The following ETS1 variants were observed in gnomAD, a reference collection of about 807,000 sequenced individuals.
ETS1 encodes ETS proto-oncogene 1, transcription factor.
In ETS1, 15 loss-of-function variants were observed where a neutral mutation model predicts 58.6. The ratio of observed to expected loss-of-function variants is 0.26; its 90% CI spans 0.17 to 0.39. The LOEUF (loss-of-function observed/expected upper bound fraction) is 0.39. Ranked by LOEUF, ETS1 falls within the 10% of genes least tolerant of loss-of-function variation. The pLI, the probability that ETS1 is intolerant of heterozygous loss-of-function variation, is 1.00. For synonymous variants in ETS1, 214 were observed against 218.2 expected, an observed-to-expected ratio of 0.98 and a Z score of 0.17; for missense variants, 417 against 610.5, an observed-to-expected ratio of 0.68 and a Z score of 3.34.
intron 3 of ETS1, among the ~76,000 whole-genome samples, chr11:128,533,693 C>T (rs771648643): frequency 6.6e-6 from 1 of 152,208 alleles, no homozygotes; most frequent in Non-Finnish European, 1.5e-5. Context: ...TTTCCAAGGC[C>T]TTGCTAGATA....
intron 3 of ETS1, among the ~76,000 whole-genome samples, chr11:128,530,903 C>T (rs913394504): frequency 6.6e-6 from 1 of 152,226 alleles, no homozygotes. Flanking sequence ...AAAGGTCCAG[C>T]ATCTACATAT....
intron 3 of ETS1, among the ~76,000 whole-genome samples, chr11:128,510,036 T>A (rs1386173240): frequency 6.6e-6 from 1 of 152,232 alleles, no homozygotes; most frequent in Admixed American, 6.5e-5. Context: ...AAAGCAAGCA[T>A]CCAGCAGTTT....
At chr11:128,546,879 T>G (rs895580409) in intron 3 of ETS1, among the ~76,000 whole-genome samples, 1 of 152,212 alleles carries the variant, frequency 6.6e-6, no homozygotes, top group Non-Finnish European at 1.5e-5. Flanking sequence ...ACGCAGATCA[T>G]AGTGTGACTT....
chr11:128,483,708 T>C (rs1244527477), intron 7 of ETS1, among the ~76,000 whole-genome samples: 1 of 152,168 alleles, frequency 6.6e-6, no homozygotes, highest in Non-Finnish European at 1.5e-5. Flanking sequence ...GTCTGAATAC[T>C]CGAAGAAGAC....
intron 3 of ETS1, chr11:128,522,457 A>T (rs972596227): frequency 4.5e-5 from 27 of 597,322 alleles, no homozygotes; most frequent in Non-Finnish European, 5.7e-5. Context: ...GCGTCGGGGC[A>T]GGGCGGGGAG....
At chr11:128,528,725 C>T (rs1408675867) in intron 3 of ETS1, among the ~76,000 whole-genome samples, 2 of 152,108 alleles carry the variant, frequency 1.3e-5, no homozygotes, top group South Asian at 2.1e-4. Flanking sequence ...TTGCCTAGTT[C>T]GGTCTGAAGT....
At chr11:128,556,032 A>G (rs185617004) in intron 3 of ETS1, among the ~76,000 whole-genome samples, 29 of 152,370 alleles carry the variant, frequency 1.9e-4, no homozygotes, top group Non-Finnish European at 3.7e-4. Flanking sequence ...GTGTCAGGAA[A>G]TGCAGGATAG....
At chr11:128,493,480 C>T (rs528241134) in intron 3 of ETS1, among the ~76,000 whole-genome samples, 1 of 152,330 alleles carries the variant, frequency 6.6e-6, no homozygotes, top group South Asian at 2.1e-4. Context: ...TGTTGGGGCC[C>T]CATCAGAGGT....
At chr11:128,567,232 C>T (rs1864522019) in intron 2 of ETS1, among the ~76,000 whole-genome samples, 1 of 152,180 alleles carries the variant, frequency 6.6e-6, no homozygotes, top group Non-Finnish European at 1.5e-5. Flanking sequence ...CCCACTGGAA[C>T]TGCACAGGAG....
chr11:128,474,887 A>T (rs73029062), intron 8 of ETS1, among the ~76,000 whole-genome samples: 2 of 152,176 alleles, frequency 1.3e-5, no homozygotes, highest in African/African-American at 4.8e-5. Context: ...GTACTGCCCA[A>T]GGATGGTCTA....
At chr11:128,508,871 T>G (rs35163142) in intron 3 of ETS1, among the ~76,000 whole-genome samples, 8,583 of 152,304 alleles carry the variant, frequency 0.056, 334 homozygotes, top group East Asian at 0.15. Flanking sequence ...CCTTAGAACT[T>G]GTTTGCCCAT....
Position 128,462,241 on chromosome 11 carries a change from G to T in ETS1, c.*120C>A. The T allele has an allele frequency of 3.8e-6, 3 of 779,402 alleles. No individual in the cohort carries two copies. The highest frequency in any genetic ancestry group is 4.1e-6 in the Non-Finnish European group (2 of 485,734). 48.3% of individuals were successfully genotyped at this position (779,402 alleles called of 1,614,324 possible). On this transcript the variant is annotated 3_prime_UTR_variant, in exon 10 of 10. Coordinates refer to ENST00000392668, the MANE Select transcript of ETS1 (RefSeq NM_001143820.2). Reference sequence around the variant, plus strand: ...TGCAACTGACTTAGCTCCCACCCCTGAAGGTAAAAAATGAGTTCTGGAAAA... The same window carrying T: ...TGCAACTGACTTAGCTCCCACCCCTTAAGGTAAAAAATGAGTTCTGGAAAA...
intron 3 of ETS1, among the ~76,000 whole-genome samples, chr11:128,511,897 T>C (rs1350799226): frequency 1.3e-5 from 2 of 152,222 alleles, no homozygotes; most frequent in African/African-American, 4.8e-5. Context: ...CACTGCACTT[T>C]CCTTATTTGT....
In ETS1 at chr11:128,581,520, G is replaced by C. The variant is rs11221363; in HGVS notation, c.-15+5968C>G. Among the ~76,000 whole-genome samples the C allele has an allele frequency of 5.5e-3, 835 of 152,052 alleles. 4 individuals are homozygous for C. Among genetic ancestry groups the C allele is most frequent in the African/African-American group, 0.019 (774 of 41,472 alleles). ...GCATGGTAAGTACTCATAAATAACT[G>C]AATAAATAAATAAGGATTGTGTTTT... On this transcript the variant is annotated intron_variant, in intron 1 of 9. Transcript: ENST00000392668.
At chr11:128,571,092 A>G (rs898062993) in intron 2 of ETS1, among the ~76,000 whole-genome samples, 3 of 152,058 alleles carry the variant, frequency 2.0e-5, no homozygotes, top group Admixed American at 2.0e-4. Flanking sequence ...TTTCCCTTGA[A>G]CAGAATAGCT....
At chr11:128,560,347 A>G (rs1303329463) in intron 2 of ETS1, among the ~76,000 whole-genome samples, 1 of 152,208 alleles carries the variant, frequency 6.6e-6, no homozygotes. Context: ...TCCTGCCCTC[A>G]GGTAATCAGC....
rs192202088 is a variant in ETS1, at chr11:128,464,606, G to A, written c.1124-979C>T. On this transcript the variant is annotated intron_variant, in intron 8 of 9. Coordinates refer to ENST00000392668, the MANE Select transcript of ETS1 (RefSeq NM_001143820.2). This position sits in a 1 kb window ranked among gnomAD's most constrained non-coding sequence, Gnocchi z 4.1. ...CTGCCCCTTATAACATAAACAAACT[G>A]GGCAGAGCGGGACTGGGAAAGACCC... 3.6e-3 allele frequency among the ~76,000 whole-genome samples: 549 copies of A among 152,116 alleles called. 4 individuals are homozygous for A. The highest frequency in any genetic ancestry group is 0.013 in the African/African-American group (529 of 41,480).
Position 128,585,056 on chromosome 11 carries a change from GAAAGAAAGAAAGAAAGAAAGA to G in ETS1, c.-15+2411_-15+2431del, listed in dbSNP as rs1565421269. On this transcript the variant is annotated intron_variant, in intron 1 of 9. Transcript: ENST00000392668. ...GAAAAGAAAGAAAGAAAGAAAGAAA[GAAAGAAAGAAAGAAAGAAAGA>G]GAAAGAAAGAAAGGAAAGAAAGAAA... is the stretch of plus-strand genomic sequence containing the variant. 5.8e-3 allele frequency among the ~76,000 whole-genome samples: 116 copies of G among 20,032 alleles called. 16 individuals are homozygous for G. Among genetic ancestry groups the G allele is most frequent in the African/African-American group, 0.016 (33 of 2,128 alleles). 13.1% of individuals were successfully genotyped at this position (20,032 alleles called of 152,430 possible). A position where few individuals can be genotyped will look rare whatever the true frequency, so the allele number is the denominator to read the frequency against.
chr11:128,517,825 C>T (rs141957022), intron 3 of ETS1, among the ~76,000 whole-genome samples: 136 of 151,956 alleles, frequency 8.9e-4, no homozygotes, highest in African/African-American at 3.0e-3. Flanking sequence ...TGGAGGGAGG[C>T]GATGCTCCTA....
Sources: gnomAD v4.1 joint callset for allele counts (sites outside exome capture counted in the v4.1 genomes callset) on GRCh38, gnomAD v4.1.1 for gene constraint, Gnocchi (gnomAD v3.1) non-coding constraint, MANE v1.5 for transcripts, NCBI Gene and HGNC (gene_info 2026-07-23, HGNC 2026-07-21) for gene names.